The following CASKIN1 variants were observed in gnomAD, a reference collection of about 807,000 sequenced individuals.
CASKIN1 encodes CASK interacting protein 1.
Under a neutral mutation model 117.5 loss-of-function variants are expected in CASKIN1, and 42 were observed. That is an observed-to-expected ratio of 0.36 (90% confidence interval 0.28 to 0.46). The LOEUF is 0.46. Ranked by LOEUF, CASKIN1 falls within the 20% of genes least tolerant of loss-of-function variation. The pLI is 1.00. For missense variants in CASKIN1, 2,083 were observed against 2,077.3 expected (o/e 1.00, Z -0.05); for synonymous variants, 1,148 against 961.7 (o/e 1.19, Z -3.59).
In CASKIN1 at chr16:2,183,643, T is replaced by C; in HGVS notation, c.1629+3A>G. On this transcript the variant is annotated splice_donor_region_variant and intron_variant, in intron 16 of 19. Transcript: ENST00000343516. ...CCAGCCCCTGGGATGCAGGTGGCCT[T>C]ACGGGTTTGTGCTCAGGCAGCCAGT... 6.2e-7 allele frequency: 1 copy of C among 1,612,750 alleles called. No individual in the cohort carries two copies. The highest frequency in any genetic ancestry group is 8.5e-7 in the Non-Finnish European group (1 of 1,179,724).
Position 2,196,399 on chromosome 16 carries a change from T to C in CASKIN1, c.34A>G (p.Lys12Glu). ...GKEQELVQAV[K>E]AEDVGTAQRL... ...TGCGCGGTCCCTACGTCCTCCGCCT[T>C]CACCGCCTGCACCAGCTCCTGCTCC... The change falls in exon 1 of 20, where the codon AAG becomes GAG. Residue 12 changes from lysine to glutamate, a missense_variant. Lys to Glu is a moderately conservative substitution (Grantham distance 56). Transcript: ENST00000343516. The surrounding 1 kb of genome is among the most constrained non-coding windows in gnomAD (Gnocchi z 5.7). 1 of 1,367,334 alleles carries C rather than the reference T, an allele frequency of 7.3e-7. No homozygotes were observed. The highest frequency in any genetic ancestry group is 9.6e-7 in the Non-Finnish European group (1 of 1,046,978). The allele number at this position is 1,367,334 out of a possible 1,614,324, so 84.7% of individuals were successfully genotyped here.
In CASKIN1 at chr16:2,181,108, C is replaced by T; in HGVS notation, c.2260G>A (p.Ala754Thr). The T allele has an allele frequency of 6.8e-7, 1 of 1,480,672 alleles. No individual in the cohort carries two copies. Among genetic ancestry groups the T allele is most frequent in the Non-Finnish European group, 8.9e-7 (1 of 1,123,606 alleles). The allele number at this position is 1,480,672 out of a possible 1,614,324, so 91.7% of individuals were successfully genotyped here. The change falls in exon 18 of 20, where the codon GCC (alanine) becomes ACC (threonine). Residue 754 changes from alanine to threonine, a missense_variant. Transcript: ENST00000343516. ...PGRHGHSIKR[A>T]SVPPVPGKPR... is the part of the protein sequence containing the mutation. ...TTGCCAGGCACGGGGGGCACGCTGG[C>T]CCTCTTGATGCTGTGGCCGTGGCGG...
chr16:2,180,151 G>C lies in CASKIN1; in HGVS notation c.3217C>G (p.Leu1073Val), dbSNP rs1232617906. Reference protein sequence around the residue: ...RRTLSGPVTGLLATARRGPGE... With the variant: ...RRTLSGPVTGVLATARRGPGE... ...GGCCCCCGGCGGGCAGTGGCCAGAA[G>C]TCCGGTGACTGGCCCGCTGAGCGTG... The change falls in exon 18 of 20, where the codon CTT (leucine) becomes GTT (valine). Residue 1073 changes from leucine to valine, a missense_variant. This residue lies in a region of CASKIN1 where 1,818 missense variants were observed against 1,688.9 expected (regional missense o/e 1.08). Transcript: ENST00000343516. 10 of 1,555,260 alleles carry C rather than the reference G, an allele frequency of 6.4e-6. No individual in the cohort carries two copies. Among genetic ancestry groups the C allele is most frequent in the Non-Finnish European group, 8.7e-6 (10 of 1,150,508 alleles).
Position 2,178,448 on chromosome 16 carries a change from C to G in CASKIN1, c.*102G>C, listed in dbSNP as rs1161989736. 1.1e-6 allele frequency: 1 copy of G among 923,492 alleles called. No individual in the cohort carries two copies. The highest frequency in any genetic ancestry group is 1.5e-6 in the Non-Finnish European group (1 of 660,446). 57.2% of individuals were successfully genotyped at this position (923,492 alleles called of 1,614,324 possible). ...GCCGGAGTTGTGCTTCTGCAGGGCC[C>G]TGCCCGGCCGCTCGCGCCGCGCCCA... On this transcript the variant is annotated 3_prime_UTR_variant, in exon 20 of 20. Transcript: ENST00000343516.
chr16:2,181,986 C>T (rs2141315195), intron 16 of CASKIN1, 57 bp from the exon 17 acceptor site: 1 of 1,601,406 alleles, frequency 6.2e-7, no homozygotes, highest in Middle Eastern at 1.7e-4. Context: ...CCCTGCCCAT[C>T]TACCTGGAGC....
intron 10 of CASKIN1, among the ~76,000 whole-genome samples, chr16:2,186,043 C>T (rs1007824767): frequency 6.6e-6 from 1 of 152,290 alleles, no homozygotes; most frequent in Admixed American, 6.5e-5. Context: ...GCAATCTTCG[C>T]TCACTGTAGC....
chr16:2,196,234 G>T lies in CASKIN1; in HGVS notation c.94+105C>A, dbSNP rs1321224433. On this transcript the variant is annotated intron_variant, in intron 1 of 19. Transcript: ENST00000343516. This position sits in a 1 kb window ranked among gnomAD's most constrained non-coding sequence, Gnocchi z 5.7. ...GCGCTGCTGGCCCCGCCCCGCCCCC[G>T]GGGACCCGACAACGTCCCCTCCCCG... 2 of 248,288 alleles carry T rather than the reference G, an allele frequency of 8.1e-6. No homozygotes were observed. The highest frequency in any genetic ancestry group is 7.0e-6 in the Non-Finnish European group (1 of 143,712). 15.4% of individuals were successfully genotyped at this position (248,288 alleles called of 1,614,324 possible).
intron 19 of CASKIN1, 125 bp downstream of exon 19, chr16:2,178,777 G>C: frequency 7.6e-7 from 1 of 1,323,246 alleles, no homozygotes; most frequent in Non-Finnish European, 9.8e-7. Context: ...GCGGAGCCCC[G>C]CTCACGGCAC....
chr16:2,195,323 CT>C (rs1043731757), intron 1 of CASKIN1, among the ~76,000 whole-genome samples: 1 of 152,182 alleles, frequency 6.6e-6, no homozygotes, highest in African/African-American at 2.4e-5. Flanking sequence ...CGGCATCCCC[CT>C]GGAGGAAGGG....
At position 2,178,510 on chromosome 16, in the gene CASKIN1, G is replaced by A. The variant is rs1222103076; in HGVS notation, c.*40C>T. Reference sequence around the variant, plus strand: ...CCTGAGGTATAGGTCAGTGTGCGGGGAGGGCCCGGGCGGCGCGGGAGGGCC... The same window carrying A: ...CCTGAGGTATAGGTCAGTGTGCGGGAAGGGCCCGGGCGGCGCGGGAGGGCC... On this transcript the variant is annotated 3_prime_UTR_variant, in exon 20 of 20. Coordinates refer to ENST00000343516, the MANE Select transcript of CASKIN1 (RefSeq NM_020764.4). 2.7e-6 allele frequency: 4 copies of A among 1,495,534 alleles called. 1 individual carries two copies. Among genetic ancestry groups the A allele is most frequent in the Middle Eastern group, 2.0e-4 (1 of 5,082 alleles). 92.6% of individuals were successfully genotyped at this position (1,495,534 alleles called of 1,614,324 possible).
At position 2,181,369 on chromosome 16, in the gene CASKIN1, C is replaced by T. The variant is rs2093167399; in HGVS notation, c.1999G>A (p.Gly667Ser). 2.5e-6 allele frequency: 4 copies of T among 1,608,800 alleles called. No homozygotes were observed. The East Asian group carries it at 8.9e-5, about 36-fold the overall frequency. The change falls in exon 18 of 20, where the codon GGC becomes AGC. Residue 667 changes from glycine (G) to serine (S), a missense_variant. This residue lies in a region of CASKIN1 where 1,818 missense variants were observed against 1,688.9 expected (regional missense o/e 1.08). Coordinates refer to ENST00000343516, the MANE Select transcript of CASKIN1 (RefSeq NM_020764.4). ...GTGGTGGGCCCCACCTCAGCCGGGC[C>T]AGTCATGGCAGCCTGCAGCTCGTCA... ...LSDELQAAMT[G>S]PAEVGPTTEK...
In CASKIN1 at chr16:2,179,259, G is replaced by A. The variant is rs1457203952; in HGVS notation, c.3842C>T (p.Pro1281Leu). ...CCCCGCGACCGCCTTGACGGGCTTG[G>A]GCGCTGTGGGCGGCGGCGGCGGCTT... ...SPKPPPPPTA[P>L]KPVKAVAGLP... Residue 1281 changes from proline (P) to leucine (L), a missense_variant, in exon 19 of 20, where the codon CCC (proline) becomes CTC (leucine). Pro to Leu is a moderately conservative substitution (Grantham distance 98, BLOSUM62 -3). Coordinates refer to ENST00000343516, the MANE Select transcript of CASKIN1 (RefSeq NM_020764.4). The surrounding 1 kb of genome is among the most constrained non-coding windows in gnomAD (Gnocchi z 5.8). The A allele has an allele frequency of 3.3e-6, 4 of 1,211,582 alleles. No homozygotes were observed. The highest frequency in any genetic ancestry group is 4.1e-6 in the Non-Finnish European group (4 of 975,588). The allele number at this position is 1,211,582 out of a possible 1,614,324, so 75.1% of individuals were successfully genotyped here.
chr16:2,194,138 T>C (rs2093208904), intron 1 of CASKIN1, among the ~76,000 whole-genome samples: 1 of 152,152 alleles, frequency 6.6e-6, no homozygotes, highest in Non-Finnish European at 1.5e-5. Context: ...AGGGAGCTAC[T>C]AGTGGGCTAT....
intron 7 of CASKIN1, 35 bp from the exon 8 acceptor site, chr16:2,187,309 C>A: frequency 6.2e-7 from 1 of 1,613,564 alleles, no homozygotes; most frequent in Non-Finnish European, 8.5e-7. Context: ...TGTCAGGAGC[C>A]CCTACAGTCC....
rs769614819 is a variant in CASKIN1 at position 2,181,255 on chromosome 16, T to C, written c.2113A>G (p.Ser705Gly). 3.8e-6 allele frequency: 6 copies of C among 1,599,110 alleles called. No individual in the cohort carries two copies. The South Asian group carries it at 5.5e-5, about 15-fold the overall frequency. Residue 705 changes from serine (S) to glycine (G), a missense_variant, in exon 18 of 20, where the codon AGC (serine) becomes GGC (glycine). By Grantham distance (56) the Ser-to-Gly change is moderately conservative. Coordinates refer to ENST00000343516, the MANE Select transcript of CASKIN1 (RefSeq NM_020764.4). The stretch of plus-strand genomic sequence containing the variant: ...CCATCTCCCAGCAGCTCCTGCGAGC[T>C]GCTCATGTGCCGTGCCCGACCACCC... ...SLGGRARHMS[S>G]SQELLGDGPP...
chr16:2,187,413 G>A lies in CASKIN1; in HGVS notation c.666C>T (p.Gly222=). The A allele has an allele frequency of 6.2e-7, 1 of 1,610,774 alleles. No individual in the cohort carries two copies. The highest frequency in any genetic ancestry group is 1.7e-4 in the Middle Eastern group (1 of 5,974). The stretch of plus-strand genomic sequence containing the variant: ...AGAGCGCAGCCTCGTGCAGGGCCGT[G>A]CCGGACTTGGTCTGGCGGTTAATGT... The part of the protein sequence containing the change: ...GIDINRQTKS[G]TALHEAALCG... The change falls in exon 7 of 20, where the codon GGC becomes GGT. Residue 222 remains glycine (G), a synonymous_variant. Coordinates refer to ENST00000343516, the MANE Select transcript of CASKIN1 (RefSeq NM_020764.4).
rs1596687870 is a variant in CASKIN1 at position 2,182,798 on chromosome 16, T to C, written c.1629+848A>G. 6.6e-6 allele frequency among the ~76,000 whole-genome samples: 1 copy of C among 152,226 alleles called. No individual in the cohort carries two copies. The highest frequency in any genetic ancestry group is 1.9e-4 in the East Asian group (1 of 5,198). On this transcript the variant is annotated intron_variant, in intron 16 of 19. Coordinates refer to ENST00000343516, the MANE Select transcript of CASKIN1 (RefSeq NM_020764.4). The surrounding 1 kb of genome is among the most constrained non-coding windows in gnomAD (Gnocchi z 4.1). ...ACTGCACAGGCACCTCCCTGTTGTTTTGCTTTGTTTGAGACGGAGCCTCGC... is the reference window on the plus strand; with the variant it reads ...ACTGCACAGGCACCTCCCTGTTGTTCTGCTTTGTTTGAGACGGAGCCTCGC...
At position 2,178,081 on chromosome 16, in the gene CASKIN1, GA is replaced by G. The variant is rs1368164948; in HGVS notation, c.*468del. 8.7e-5 allele frequency: 43 copies of G among 491,764 alleles called. No homozygotes were observed. The highest frequency in any genetic ancestry group is 1.6e-4 in the Non-Finnish European group (41 of 255,862). 30.5% of individuals were successfully genotyped at this position (491,764 alleles called of 1,614,324 possible). ...AGTTATACCTTTTTGTTTCTCTGGG[GA>G]AATCCGCCTCAGCTCATTCCCAATA... is the stretch of plus-strand genomic sequence containing the variant. On this transcript the variant is annotated 3_prime_UTR_variant, in exon 20 of 20. Transcript: ENST00000343516.
chr16:2,183,257 G>A (rs1259620070), intron 16 of CASKIN1, among the ~76,000 whole-genome samples: 1 of 152,202 alleles, frequency 6.6e-6, no homozygotes, highest in African/African-American at 2.4e-5. Context: ...TGGCTGGCAC[G>A]TACCTGGGTG....
Sources: gnomAD v4.1 joint callset for allele counts (sites outside exome capture counted in the v4.1 genomes callset) on GRCh38, gnomAD v4.1.1 for gene constraint, gnomAD v4.1.1 regional missense constraint, Gnocchi (gnomAD v3.1) non-coding constraint, MANE v1.5 for transcripts, NCBI Gene and HGNC (gene_info 2026-07-23, HGNC 2026-07-21) for gene names.